Variants in DMD observed in about 807,000 individuals in gnomAD.
The protein encoded by DMD is dystrophin.
A neutral mutation model predicts 330.1 loss-of-function variants in DMD; 63 were observed. The ratio of observed to expected loss-of-function variants is 0.19; its 90% CI spans 0.16 to 0.24. The LOEUF (loss-of-function observed/expected upper bound fraction) is 0.24. Among genes scored for constraint, DMD ranks in the 10% least tolerant of loss-of-function variants. DMD has a pLI of 1.00. For synonymous variants in DMD, 1,223 were observed against 959.8 expected (o/e 1.27, Z -5.07); for missense variants, 3,344 against 2,684.1 (o/e 1.25, Z -5.43).
Position 32,518,067 on chromosome X carries a change from G to C in DMD, c.2233C>G (p.Pro745Ala), listed in dbSNP as rs1435295333. 3.3e-6 allele frequency: 4 copies of C among 1,207,780 alleles called. No homozygotes were observed. The highest frequency in any genetic ancestry group is 3.5e-5 in the African/African-American group (2 of 57,047). Residue 745 changes from proline (P) to alanine (A), a missense_variant, in exon 18 of 79, where the codon CCT becomes GCT. By Grantham distance (27) the Pro-to-Ala change is conservative. Transcript: ENST00000357033. ...ITRSEAVLQS[P>A]EFAIFRKEGN... ...TCCTTCCGAAAGATTGCAAATTCAG[G>C]ACTCTGCAACACAGCTTCTGAGCGA... is the stretch of plus-strand genomic sequence containing the variant.
rs746346408 is a variant in DMD, at chrX:31,325,769, T to C, written c.9164-2111A>G. Among the ~76,000 whole-genome samples, 7 of 111,513 alleles carry C rather than the reference T, an allele frequency of 6.3e-5. No homozygotes were observed. In the East Asian group the frequency reaches 2.0e-3, roughly 31 times the overall value. On this transcript the variant is annotated intron_variant, in intron 61 of 78. Coordinates refer to ENST00000357033, the MANE Select transcript of DMD (RefSeq NM_004006.3). ...TAGCTCCTGGCTGCTCAGTGTACCT[T>C]CTTCTTAAAATACCAGCATCATAAA...
At chrX:33,073,062 TCTTTCACTTTA>T (rs1389015996) in intron 1 of DMD, among the ~76,000 whole-genome samples, 1 of 112,273 alleles carries the variant, frequency 8.9e-6, no homozygotes, top group Non-Finnish European at 1.9e-5. Context: ...ATATACATAA[TCTTTCACTTTA>T]CTGTCAGAGA....
intron 44 of DMD, among the ~76,000 whole-genome samples, chrX:32,073,632 T>C (rs2096318769): frequency 8.9e-6 from 1 of 111,845 alleles, no homozygotes; most frequent in Non-Finnish European, 1.9e-5. Context: ...TTTAGACTCA[T>C]AAGTTTTCAA....
chrX:31,520,781 G>T (rs756669838), intron 55 of DMD, among the ~76,000 whole-genome samples: 1 of 110,056 alleles, frequency 9.1e-6, no homozygotes, highest in Non-Finnish European at 1.9e-5. Flanking sequence ...CCGGGTTCAC[G>T]CCATTCTCCT....
At chrX:31,222,386 C>G (rs1392455053) in intron 64 of DMD, among the ~76,000 whole-genome samples, 1 of 50,786 alleles carries the variant, frequency 2.0e-5, no homozygotes, top group Non-Finnish European at 3.1e-5. Flanking sequence ...GAGCAAGACT[C>G]CATCTCAAAA....
chrX:32,475,077 T>G (rs771485471), intron 21 of DMD, among the ~76,000 whole-genome samples: 3 of 111,486 alleles, frequency 2.7e-5, no homozygotes, highest in Non-Finnish European at 5.7e-5. Flanking sequence ...CACATGTGGC[T>G]AGCCAATTAT....
chrX:31,367,600 T>C (rs1413412360), intron 60 of DMD, among the ~76,000 whole-genome samples: 4 of 111,641 alleles, frequency 3.6e-5, no homozygotes, highest in African/African-American at 1.3e-4. Flanking sequence ...TCAATAATAA[T>C]AATTGTATAA....
intron 44 of DMD, among the ~76,000 whole-genome samples, chrX:32,068,374 ATTT>A (rs749610367): frequency 0.069 from 4,411 of 64,133 alleles, 78 homozygotes; most frequent in Admixed American, 0.11. Context: ...CTTGCTTGTC[ATTT>A]TTTTTTTTTT....
At chrX:31,386,023 A>C (rs1207323746) in intron 60 of DMD, among the ~76,000 whole-genome samples, 1 of 112,520 alleles carries the variant, frequency 8.9e-6, no homozygotes, top group Non-Finnish European at 1.9e-5. Flanking sequence ...TGGCACATAT[A>C]CACCATGGAA....
chrX:33,051,644 C>CTTTTTTTTTTTTTTTTTTTT (rs1569551755), intron 1 of DMD, among the ~76,000 whole-genome samples: 2 of 80,699 alleles, frequency 2.5e-5, no homozygotes, highest in African/African-American at 1.2e-4. Context: ...TAATTACGCT[C>CTTTTTTTTTTTTTTTTTTTT]TATTTTTTTT....
chrX:32,534,687 C>A (rs2047791232), intron 17 of DMD, among the ~76,000 whole-genome samples: 1 of 111,376 alleles, frequency 9.0e-6, no homozygotes, highest in African/African-American at 3.3e-5. Flanking sequence ...GGAGAAAGAG[C>A]CAGCAAGCTC....
intron 1 of DMD, among the ~76,000 whole-genome samples, chrX:33,063,799 A>G (rs995715216): frequency 2.7e-5 from 3 of 110,655 alleles, no homozygotes; most frequent in African/African-American, 9.9e-5. Flanking sequence ...GCTTGGGCAT[A>G]TGGTTGAAAA....
At chrX:32,175,989 T>C (rs2096905223) in intron 44 of DMD, among the ~76,000 whole-genome samples, 2 of 111,731 alleles carry the variant, frequency 1.8e-5, no homozygotes, top group Admixed American at 9.5e-5. Context: ...ACTCATCCTC[T>C]TCCTAATTAC....
intron 16 of DMD, among the ~76,000 whole-genome samples, chrX:32,547,543 T>G (rs971878452): frequency 1.8e-5 from 2 of 111,228 alleles, no homozygotes; most frequent in Non-Finnish European, 3.8e-5. Flanking sequence ...ATTCACCCTG[T>G]AAATATAGGG....
At chrX:31,722,576 G>A (rs1305815966) in intron 52 of DMD, among the ~76,000 whole-genome samples, 1 of 111,316 alleles carries the variant, frequency 9.0e-6, no homozygotes, top group Non-Finnish European at 1.9e-5. Flanking sequence ...AATTTCCCTG[G>A]TATACTGAGG....
chrX:32,429,294 C>T lies in DMD; in HGVS notation c.4071+8947G>A, dbSNP rs753911649. Among the ~76,000 whole-genome samples the T allele has an allele frequency of 1.7e-3, 161 of 95,641 alleles. 2 individuals are homozygous for T. Among genetic ancestry groups the T allele is most frequent in the African/African-American group, 5.8e-3 (148 of 25,332 alleles). 83.1% of individuals were successfully genotyped at this position (95,641 alleles called of 115,157 possible). On this transcript the variant is annotated intron_variant, in intron 29 of 78. Coordinates refer to ENST00000357033, the MANE Select transcript of DMD (RefSeq NM_004006.3). ...GCATGATCTCAGCTCACTGCAACTTCCGTTCCCTGGGTTCAAGTGATTCTC... is the reference window on the plus strand; with the variant it reads ...GCATGATCTCAGCTCACTGCAACTTTCGTTCCCTGGGTTCAAGTGATTCTC...
At chrX:32,810,755 A>G (rs1362265047) in intron 6 of DMD, among the ~76,000 whole-genome samples, 2 of 111,416 alleles carry the variant, frequency 1.8e-5, no homozygotes, top group African/African-American at 6.5e-5. Flanking sequence ...ATCTGTTAAC[A>G]TGTTTCATCA....
chrX:33,066,461 A>AAAAAAAAAAGGAAGG (rs754870790), intron 1 of DMD, among the ~76,000 whole-genome samples: 2 of 84,207 alleles, frequency 2.4e-5, no homozygotes. Context: ...AAAAAAAAAA[A>AAAAAAAAAAGGAAGG]AAGGAAGGAA....
intron 47 of DMD, among the ~76,000 whole-genome samples, chrX:31,912,655 G>A (rs1019578066): frequency 2.7e-5 from 3 of 111,529 alleles, no homozygotes. Context: ...AATTTCTTTT[G>A]CACCAACCTA....
Sources: gnomAD v4.1 joint callset for allele counts (sites outside exome capture counted in the v4.1 genomes callset) on GRCh38, gnomAD v4.1.1 for gene constraint, MANE v1.5 for transcripts, NCBI Gene and HGNC (gene_info 2026-07-23, HGNC 2026-07-21) for gene names.